Variants in ATP7A observed in about 807,000 individuals in gnomAD.
ATP7A encodes copper-transporting ATPase 1.
Under a neutral mutation model 83.5 loss-of-function variants are expected in ATP7A, and 7 were observed. The observed-to-expected ratio is 0.08, with a 90% confidence interval of 0.05 to 0.16. ATP7A has a LOEUF of 0.16. ATP7A is among the 10% of genes least tolerant of loss of function. ATP7A has a pLI of 1.00. For missense variants in ATP7A, 940 were observed against 1,120.8 expected, an observed-to-expected ratio of 0.84 and a Z score of 2.30; for synonymous variants, 354 against 395.2, an observed-to-expected ratio of 0.90 and a Z score of 1.24.
rs781997821 is a variant in ATP7A at position 78,014,405 on chromosome X, AAAAT to A, written c.2407-234_2407-231del. ...GGGTAACAGAGTGAGACTCTGTCTC[AAAAT>A]AAATAAATAAATAAATAAATAATAA... On this transcript the variant is annotated intron_variant, in intron 10 of 22. Coordinates refer to ENST00000341514, the MANE Select transcript of ATP7A (RefSeq NM_000052.7). 1.5e-3 allele frequency among the ~76,000 whole-genome samples: 165 copies of A among 110,582 alleles called. 1 individual carries two copies. The highest frequency in any genetic ancestry group is 4.9e-3 in the African/African-American group (148 of 30,479).
At chrX:78,030,927 G>A (rs1278494013) in intron 15 of ATP7A, among the ~76,000 whole-genome samples, 1 of 110,454 alleles carries the variant, frequency 9.1e-6, no homozygotes, top group South Asian at 3.9e-4. Flanking sequence ...CTGACCTCAG[G>A]TGATCCATAC....
At chrX:77,989,160 A>T (rs1444254258) in intron 3 of ATP7A, 73 bp from the exon 4 acceptor site, 3 of 1,035,426 alleles carry the variant, frequency 2.9e-6, no homozygotes, top group Non-Finnish European at 3.9e-6. Context: ...GTGGTTATTG[A>T]TTTAGAAAAC....
Position 78,003,126 on chromosome X carries a change from A to G in ATP7A, c.1597A>G (p.Asn533Asp), listed in dbSNP as rs1057524455. The change falls in exon 6 of 23, where the codon AAT (asparagine) becomes GAT (aspartate). Residue 533 changes from asparagine (N) to aspartate (D), a missense_variant. This residue lies in a region of ATP7A where 350 missense variants were observed against 432.8 expected (regional missense o/e 0.81). Transcript: ENST00000341514. The stretch of plus-strand genomic sequence containing the variant: ...GGCTGGCAAGGCAGAAGTAAGGTAT[A>G]ATCCTGCTGTTATACAACCCCCAAT... ...LMAGKAEVRY[N>D]PAVIQPPMIA... The G allele has an allele frequency of 7.4e-6, 9 of 1,209,930 alleles. No individual in the cohort carries two copies. Among genetic ancestry groups the G allele is most frequent in the Non-Finnish European group, 1.0e-5 (9 of 893,797 alleles).
intron 7 of ATP7A, 52 bp downstream of exon 7, chrX:78,009,315 C>A: frequency 8.7e-7 from 1 of 1,148,276 alleles, no homozygotes; most frequent in African/African-American, 1.8e-5. Context: ...AATCAGCACT[C>A]CCGTGAATCA....
At chrX:78,043,256 T>C (rs1557238652) in intron 20 of ATP7A, 61 bp from the exon 21 acceptor site, 2 of 805,789 alleles carry the variant, frequency 2.5e-6, no homozygotes, top group African/African-American at 4.0e-5. Flanking sequence ...CAGTATCAAA[T>C]GTAAAAGTTA....
At chrX:77,993,514 A>G (rs2077681920) in intron 4 of ATP7A, among the ~76,000 whole-genome samples, 1 of 112,289 alleles carries the variant, frequency 8.9e-6, no homozygotes, top group South Asian at 3.7e-4. Flanking sequence ...TTAAATCTAC[A>G]TTAACTTTGT....
At chrX:77,983,337 G>A (rs782376934) in intron 2 of ATP7A, among the ~76,000 whole-genome samples, 1 of 111,920 alleles carries the variant, frequency 8.9e-6, no homozygotes, top group Non-Finnish European at 1.9e-5. Flanking sequence ...TCAGAGGTAG[G>A]GTAATTTGTT....
At chrX:77,998,197 C>A (rs1167124013) in intron 4 of ATP7A, among the ~76,000 whole-genome samples, 1 of 111,984 alleles carries the variant, frequency 8.9e-6, no homozygotes, top group Non-Finnish European at 1.9e-5. Context: ...TAACAAACTA[C>A]TCTGTCTCTC....
chrX:77,969,101 G>T, intron 1 of ATP7A: 2 of 1,211,574 alleles, frequency 1.7e-6, no homozygotes, highest in Non-Finnish European at 2.2e-6. Context: ...ATCAGTACAC[G>T]TTTCCCCTCC....
intron 1 of ATP7A, chrX:77,964,743 G>T (rs1205731232): frequency 9.0e-6 from 1 of 111,681 alleles, no homozygotes; most frequent in African/African-American, 3.3e-5. Flanking sequence ...CAAAGGACAT[G>T]AACTCATCCT....
At chrX:77,912,486 G>GA (rs1488046728) in intron 1 of ATP7A, among the ~76,000 whole-genome samples, 3 of 110,924 alleles carry the variant, frequency 2.7e-5, no homozygotes, top group African/African-American at 9.8e-5. Context: ...ATTAAAATTA[G>GA]AAAAAATATA....
rs1569550333 is a variant in ATP7A at position 78,042,725 on chromosome X, G to A, written c.3942G>A (p.Val1314=). The change falls in exon 20 of 23, where the codon GTG becomes GTA. Residue 1314 remains valine, a synonymous_variant. Transcript: ENST00000341514. The stretch of plus-strand genomic sequence containing the variant: ...CCCCAGCTCTGGCAATGGCTAATGT[G>A]GGAATTGCTATTGGCACAGGCACAG... ...NDSPALAMAN[V]GIAIGTGTDV... is the part of the protein sequence containing the mutation. 1.7e-6 allele frequency: 2 copies of A among 1,211,751 alleles called. No individual in the cohort carries two copies. The highest frequency in any genetic ancestry group is 4.3e-5 in the Admixed American group (2 of 46,009).
chrX:78,039,989 T>C (rs1237237991), intron 18 of ATP7A, among the ~76,000 whole-genome samples: 2 of 111,711 alleles, frequency 1.8e-5, no homozygotes, highest in Admixed American at 1.9e-4. Context: ...TTTATTTTGT[T>C]ATTTCTTAGG....
chrX:78,000,767 C>T (rs1472425098), intron 5 of ATP7A, among the ~76,000 whole-genome samples: 4 of 109,804 alleles, frequency 3.6e-5, no homozygotes, highest in Admixed American at 3.0e-4. Flanking sequence ...TGGGTTCAAG[C>T]GATTTTCCTG....
intron 1 of ATP7A, among the ~76,000 whole-genome samples, chrX:77,946,949 T>C (rs1401490696): frequency 5.4e-5 from 6 of 111,851 alleles, no homozygotes; most frequent in Non-Finnish European, 1.1e-4. Flanking sequence ...CAGATATTTG[T>C]ATACCAGTGT....
chrX:78,042,401 A>G (rs2078055634), intron 19 of ATP7A, among the ~76,000 whole-genome samples, 184 bp from the exon 20 acceptor site: 1 of 111,461 alleles, frequency 9.0e-6, no homozygotes, highest in African/African-American at 3.3e-5. Context: ...AAGAGTTACA[A>G]TTTACACACC....
At chrX:77,933,193 T>C (rs1270348339) in intron 1 of ATP7A, among the ~76,000 whole-genome samples, 1 of 111,667 alleles carries the variant, frequency 9.0e-6, no homozygotes, top group East Asian at 2.8e-4. Flanking sequence ...ATGATCTCTG[T>C]TTTACAGATA....
intron 1 of ATP7A, among the ~76,000 whole-genome samples, chrX:77,950,076 T>C (rs1362852893): frequency 8.9e-6 from 1 of 112,131 alleles, no homozygotes; most frequent in Non-Finnish European, 1.9e-5. Flanking sequence ...TCAGGACTTT[T>C]GCCAGGGCCA....
intron 6 of ATP7A, among the ~76,000 whole-genome samples, chrX:78,007,626 T>C (rs2077786164): frequency 8.9e-6 from 1 of 112,264 alleles, no homozygotes; most frequent in South Asian, 3.6e-4. Context: ...CGCCCGACCA[T>C]TTTTGCCCAT....
Sources: allele counts gnomAD v4.1 joint callset (sites outside exome capture counted in the v4.1 genomes callset), GRCh38; gene constraint gnomAD v4.1.1; regional missense constraint gnomAD v4.1.1; transcripts MANE v1.5; gene names NCBI Gene and HGNC (gene_info 2026-07-23, HGNC 2026-07-21).